Variants in ADGRA3 observed in about 807,000 individuals in gnomAD.
ADGRA3 encodes the protein G-protein coupled receptor 125.
A neutral mutation model predicts 119.8 loss-of-function variants in ADGRA3; 56 were observed. That is an observed-to-expected ratio of 0.47 (90% CI 0.38 to 0.58). ADGRA3 has a LOEUF of 0.58. Ranked by LOEUF, ADGRA3 falls within the 20% of genes least tolerant of loss-of-function variation. ADGRA3 has a pLI of 0.00. For synonymous variants in ADGRA3, 607 were observed against 623.8 expected, an observed-to-expected ratio of 0.97 and a Z score of 0.40; for missense variants, 1,516 against 1,649.0, an observed-to-expected ratio of 0.92 and a Z score of 1.40.
chr4:22,472,980 G>A (rs562870257), intron 2 of ADGRA3: 1 of 152,106 alleles, frequency 6.6e-6, no homozygotes, highest in Non-Finnish European at 1.5e-5. Context: ...GCAAAAATGA[G>A]TGCTACCTGT....
chr4:22,436,754 T>C (rs1337599778), intron 8 of ADGRA3, 113 bp from the exon 9 acceptor site: 8 of 840,064 alleles, frequency 9.5e-6, no homozygotes, highest in Middle Eastern at 3.3e-4. Context: ...AATACAACCC[T>C]GACACGGGTC....
chr4:22,463,597 A>G (rs1717553637), intron 2 of ADGRA3, among the ~76,000 whole-genome samples: 2 of 152,170 alleles, frequency 1.3e-5, no homozygotes, highest in Non-Finnish European at 2.9e-5. Context: ...CTTCCATCCA[A>G]TCACAGGCAC....
At position 22,401,544 on chromosome 4, in the gene ADGRA3, T is replaced by C. The variant is rs1251579254; in HGVS notation, c.2368A>G (p.Ile790Val). Residue 790 changes from isoleucine (I) to valine (V), a missense_variant, in exon 16 of 19, where the codon ATC becomes GTC. Physicochemically the swap from Ile to Val is conservative, Grantham distance 29. Transcript: ENST00000334304. ...AGCATGTGCCAGCTCTTGAGGCTGATTCTAATCAAACTGTTTAAAAAAGAG... is the reference window on the plus strand; with the variant it reads ...AGCATGTGCCAGCTCTTGAGGCTGACTCTAATCAAACTGTTTAAAAAAGAG... Reference protein sequence around the residue: ...SYIYHHSLIRISLKSWHMLVN... With the variant: ...SYIYHHSLIRVSLKSWHMLVN... 4.4e-6 allele frequency: 7 copies of C among 1,604,532 alleles called. No individual in the cohort carries two copies. Among genetic ancestry groups the C allele is most frequent in the Non-Finnish European group, 8.5e-7 (1 of 1,174,328 alleles).
chr4:22,444,465 T>C (rs1232485983), intron 6 of ADGRA3, among the ~76,000 whole-genome samples: 1 of 152,144 alleles, frequency 6.6e-6, no homozygotes, highest in African/African-American at 2.4e-5. Flanking sequence ...TTTGTATTTT[T>C]AGTAGAGACA....
intron 3 of ADGRA3, among the ~76,000 whole-genome samples, chr4:22,457,700 C>T (rs1560327422): frequency 6.6e-6 from 1 of 152,118 alleles, no homozygotes; most frequent in East Asian, 1.9e-4. Context: ...GATGGCAGTG[C>T]TTGAGAGATT....
intron 12 of ADGRA3, among the ~76,000 whole-genome samples, chr4:22,415,030 T>C (rs1577333679): frequency 6.6e-6 from 1 of 151,572 alleles, no homozygotes; most frequent in Non-Finnish European, 1.5e-5. Flanking sequence ...TGCTTCCTCT[T>C]CTGGACTCAC....
Position 22,413,227 on chromosome 4 carries a change from G to A in ADGRA3, c.2187C>T (p.Ile729=). The A allele has an allele frequency of 6.2e-7, 1 of 1,614,006 alleles. No homozygotes were observed. Among genetic ancestry groups the A allele is most frequent in the Non-Finnish European group, 8.5e-7 (1 of 1,179,920 alleles). The change falls in exon 14 of 19, where the codon ATC becomes ATT. Residue 729 remains isoleucine, a synonymous_variant. Coordinates refer to ENST00000334304, the MANE Select transcript of ADGRA3 (RefSeq NM_145290.4). ...TAAGGGAGTAGCACTGAATCGTAGTGATATTTTCATCTGAATAGAGTATAT... is the reference window on the plus strand; with the variant it reads ...TAAGGGAGTAGCACTGAATCGTAGTAATATTTTCATCTGAATAGAGTATAT... ...GCHILYSDEN[I]TTIQCYSLSN... is the part of the protein sequence containing the mutation.
intron 14 of ADGRA3, 75 bp downstream of exon 14, chr4:22,413,105 AAC>A: frequency 8.7e-7 from 1 of 1,146,062 alleles, no homozygotes; most frequent in Non-Finnish European, 1.3e-6. Context: ...AAAACAAAAA[AAC>A]ACTTCATTTG....
At chr4:22,475,433 A>AT (rs1190285340) in intron 1 of ADGRA3, among the ~76,000 whole-genome samples, 1 of 152,212 alleles carries the variant, frequency 6.6e-6, no homozygotes, top group Non-Finnish European at 1.5e-5. Flanking sequence ...ATGCAAAGGC[A>AT]TAAGAATGAC....
intron 10 of ADGRA3, among the ~76,000 whole-genome samples, chr4:22,433,637 A>G (rs527806282): frequency 6.6e-6 from 1 of 152,202 alleles, no homozygotes; most frequent in East Asian, 1.9e-4. Context: ...GAGGTGAGCA[A>G]AACAGGTTCA....
At chr4:22,515,433 G>A in intron 1 of ADGRA3, 95 bp downstream of exon 1, 10 of 1,425,146 alleles carry the variant, frequency 7.0e-6, no homozygotes, top group Non-Finnish European at 8.4e-6. Context: ...CCACACAAAG[G>A]CGCGTGGGTG....
At chr4:22,441,974 TAGGAGGACCTGGC>T (rs1716632741) in intron 7 of ADGRA3, among the ~76,000 whole-genome samples, 1 of 152,044 alleles carries the variant, frequency 6.6e-6, no homozygotes, top group Non-Finnish European at 1.5e-5. Context: ...GATGTTACCC[TAGGAGGACCTGGC>T]AGAGAGTCTG....
intron 1 of ADGRA3, among the ~76,000 whole-genome samples, chr4:22,501,127 A>T (rs904945380): frequency 6.6e-6 from 1 of 152,162 alleles, no homozygotes; most frequent in Non-Finnish European, 1.5e-5. Context: ...GGACTTCCTT[A>T]TAACCATGTG....
At chr4:22,419,523 T>C (rs1165182930) in intron 12 of ADGRA3, among the ~76,000 whole-genome samples, 2 of 152,158 alleles carry the variant, frequency 1.3e-5, no homozygotes, top group African/African-American at 4.8e-5. Flanking sequence ...TTGACAAATC[T>C]GAGTGTCCAT....
At chr4:22,457,203 T>C (rs901832362) in intron 3 of ADGRA3, among the ~76,000 whole-genome samples, 1 of 152,232 alleles carries the variant, frequency 6.6e-6, no homozygotes, top group South Asian at 2.1e-4. Flanking sequence ...GAGAAACTGA[T>C]GGATCTAGGG....
At chr4:22,409,059 G>A (rs1189344845) in intron 14 of ADGRA3, among the ~76,000 whole-genome samples, 2 of 152,172 alleles carry the variant, frequency 1.3e-5, no homozygotes, top group African/African-American at 4.8e-5. Context: ...CCTATCTATA[G>A]TGAGAGACAT....
At chr4:22,397,662 G>C (rs148642308) in intron 16 of ADGRA3, among the ~76,000 whole-genome samples, 1 of 152,130 alleles carries the variant, frequency 6.6e-6, no homozygotes, top group East Asian at 1.9e-4. Flanking sequence ...ACTGAATCAT[G>C]AGGGTGGGTC....
chr4:22,479,280 A>G (rs1330806565), intron 1 of ADGRA3, among the ~76,000 whole-genome samples: 1 of 152,086 alleles, frequency 6.6e-6, no homozygotes, highest in Non-Finnish European at 1.5e-5. Flanking sequence ...TGGCTAACAC[A>G]GTGAAACACC....
chr4:22,422,309 T>C (rs983318170), intron 11 of ADGRA3, among the ~76,000 whole-genome samples: 2 of 152,180 alleles, frequency 1.3e-5, no homozygotes, highest in Non-Finnish European at 1.5e-5. Flanking sequence ...GGAAATAAGA[T>C]ACAAATTTAA....
Sources: allele counts gnomAD v4.1 joint callset (sites outside exome capture counted in the v4.1 genomes callset), GRCh38; gene constraint gnomAD v4.1.1; transcripts MANE v1.5; gene names NCBI Gene and HGNC (gene_info 2026-07-23, HGNC 2026-07-21).